Variants in CCDC181 observed in about 807,000 individuals in gnomAD.
The protein encoded by CCDC181 is coiled-coil domain-containing protein 181.
CCDC181 carries 35 observed loss-of-function variants against 58.7 expected under a neutral mutation model. The ratio of observed to expected loss-of-function variants is 0.60; its 90% CI spans 0.46 to 0.79. The LOEUF (loss-of-function observed/expected upper bound fraction) is 0.79, where lower values mean the gene tolerates loss of function less well. Ranked by LOEUF, CCDC181 falls within the 30% of genes least tolerant of loss-of-function variation. The pLI, the probability that CCDC181 is intolerant of heterozygous loss-of-function variation, is 0.00. For missense variants in CCDC181, 517 were observed against 583.9 expected, an observed-to-expected ratio of 0.89 and a Z score of 1.18; for synonymous variants, 183 against 197.5, an observed-to-expected ratio of 0.93 and a Z score of 0.62.
chr1:169,429,155 T>C (rs904884074), upstream of CCDC181, among the ~76,000 whole-genome samples: 22 of 152,184 alleles, frequency 1.4e-4, no homozygotes, highest in African/African-American at 5.3e-4. Context: ...TATGACTGAG[T>C]AGTATTCCAT....
intron 2 of CCDC181, among the ~76,000 whole-genome samples, chr1:169,453,726 C>CTT (rs35290206): frequency 6.7e-4 from 91 of 134,912 alleles, no homozygotes; most frequent in African/African-American, 2.3e-3. Context: ...ACACATAATT[C>CTT]TTTTTTTTTT....
rs1657724566 is a variant in CCDC181 at position 169,457,996 on chromosome 1, A to G, written c.-24+1801T>C. Among the ~76,000 whole-genome samples the G allele has an allele frequency of 2.0e-5, 3 of 151,996 alleles. No individual in the cohort carries two copies. The South Asian group carries it at 6.2e-4, about 32-fold the overall frequency. ...GTATTGATAGATTCTTTTGTGTCTT[A>G]GTTCTTTTGTGTCTTTCTGTTTTAT... is the stretch of plus-strand genomic sequence containing the variant. On this transcript the variant is annotated intron_variant, in intron 2 of 6. Coordinates refer to the CCDC181 transcript ENST00000545005.
At chr1:169,437,676 A>G (rs755067348) in intron 2 of CCDC181, among the ~76,000 whole-genome samples, 36 of 152,184 alleles carry the variant, frequency 2.4e-4, no homozygotes, top group Non-Finnish European at 4.4e-4. Context: ...TGTTGACCCA[A>G]GAAGAGAGGA....
chr1:169,411,519 TC>T (rs1655961190), intron 4 of CCDC181, among the ~76,000 whole-genome samples: 1 of 152,106 alleles, frequency 6.6e-6, no homozygotes, highest in Non-Finnish European at 1.5e-5. Flanking sequence ...AAAGAGGGAC[TC>T]CTACCTAACT....
intron 4 of CCDC181, among the ~76,000 whole-genome samples, chr1:169,406,410 A>G (rs1184497157): frequency 6.6e-6 from 1 of 152,264 alleles, no homozygotes; most frequent in Non-Finnish European, 1.5e-5. Context: ...ACGTCCAACA[A>G]TGATAGACTG....
At chr1:169,424,366 G>T (rs762285302) in intron 2 of CCDC181, among the ~76,000 whole-genome samples, 9 of 151,892 alleles carry the variant, frequency 5.9e-5, no homozygotes, top group Non-Finnish European at 1.2e-4. Flanking sequence ...AGCTAATTCA[G>T]TCTTAAAGTT....
chr1:169,455,990 A>AT (rs1274940398), intron 2 of CCDC181, among the ~76,000 whole-genome samples: 1 of 151,804 alleles, frequency 6.6e-6, no homozygotes, highest in Non-Finnish European at 1.5e-5. Flanking sequence ...ATCAGATTTG[A>AT]TTTTTTTTCT....
intron 4 of CCDC181, among the ~76,000 whole-genome samples, chr1:169,408,971 T>C (rs1270752648): frequency 6.6e-6 from 1 of 152,176 alleles, no homozygotes; most frequent in Non-Finnish European, 1.5e-5. Flanking sequence ...AAAACCAGAA[T>C]GCCTCTTCTC....
chr1:169,415,978 G>T (rs945572388), intron 4 of CCDC181, among the ~76,000 whole-genome samples: 1 of 152,104 alleles, frequency 6.6e-6, no homozygotes, highest in Admixed American at 6.5e-5. Flanking sequence ...TCTTCATCTG[G>T]ATATTTTGTG....
chr1:169,433,319 C>G (rs1339403557), intron 2 of CCDC181, among the ~76,000 whole-genome samples: 1 of 151,954 alleles, frequency 6.6e-6, no homozygotes, highest in Non-Finnish European at 1.5e-5. Flanking sequence ...AAATGGAAAG[C>G]TATCCCTTGT....
rs1657796626 is a variant in CCDC181 at position 169,459,912 on chromosome 1, A to AAAAAAC, written c.-91-49_-91-48insGTTTTT. On this transcript the variant is annotated intron_variant, in intron 1 of 6. Transcript: ENST00000545005. The stretch of plus-strand genomic sequence containing the variant: ...TACGCAGTTTGAAATTAGGAAAAAA[A>AAAAAAC]AAAAAAAAAAAAAAAAAGGAGGAGG... 6 of 67,218 alleles carry AAAAAAC rather than the reference A, an allele frequency of 8.9e-5. No homozygotes were observed. The South Asian group carries it at 1.7e-3, about 19-fold the overall frequency. 4.2% of individuals were successfully genotyped at this position (67,218 alleles called of 1,614,324 possible). A position where few individuals can be genotyped will look rare whatever the true frequency, so the allele number is the denominator to read the frequency against.
At chr1:169,441,705 C>T (rs1657233420) in intron 2 of CCDC181, among the ~76,000 whole-genome samples, 1 of 151,600 alleles carries the variant, frequency 6.6e-6, no homozygotes, top group African/African-American at 2.4e-5. Flanking sequence ...CTTTGATGGG[C>T]TTTATGCTTT....
chr1:169,460,021 T>G (rs1451750594), intron 1 of CCDC181, among the ~76,000 whole-genome samples: 1 of 151,994 alleles, frequency 6.6e-6, no homozygotes, highest in Non-Finnish European at 1.5e-5. Flanking sequence ...TTAAATAGTT[T>G]TTGTTAACAT....
intron 2 of CCDC181, chr1:169,459,707 G>C (rs969546176): frequency 1.3e-5 from 2 of 151,902 alleles, no homozygotes; most frequent in African/African-American, 4.8e-5. Context: ...TCTGGGATAC[G>C]GCCTTTTACT....
chr1:169,435,717 G>C lies in CCDC181; in HGVS notation c.-23-10767C>G, dbSNP rs976786924. Among the ~76,000 whole-genome samples, 4 of 152,104 alleles carry C rather than the reference G, an allele frequency of 2.6e-5. No homozygotes were observed. The South Asian group carries it at 6.2e-4, about 24-fold the overall frequency. On this transcript the variant is annotated intron_variant, in intron 2 of 6. Coordinates refer to the CCDC181 transcript ENST00000545005. ...TCCAAAAGGATGAAAGTAGGTTCTA[G>C]AGTATCTTTATTGATATTCCAAAAT...
At chr1:169,460,144 G>A (rs1308903880) in intron 1 of CCDC181, 3 of 152,078 alleles carry the variant, frequency 2.0e-5, no homozygotes, top group Non-Finnish European at 4.4e-5. Flanking sequence ...TATTTTAAAG[G>A]AAGACAATTC....
chr1:169,436,195 T>C (rs1364357934), intron 2 of CCDC181, among the ~76,000 whole-genome samples: 1 of 152,136 alleles, frequency 6.6e-6, no homozygotes, highest in African/African-American at 2.4e-5. Flanking sequence ...ACAGTTGTGT[T>C]GTTAAAAGTA....
chr1:169,406,666 T>G (rs1655673800), intron 4 of CCDC181, among the ~76,000 whole-genome samples: 1 of 151,704 alleles, frequency 6.6e-6, no homozygotes, highest in Non-Finnish European at 1.5e-5. Context: ...GAGAGAGCAT[T>G]AAGCGATATA....
intron 2 of CCDC181, among the ~76,000 whole-genome samples, chr1:169,445,813 A>G (rs1232418112): frequency 6.6e-6 from 1 of 152,116 alleles, no homozygotes; most frequent in Admixed American, 6.6e-5. Context: ...TTTTTTTAAT[A>G]GATATAGGTC....
Sources: gnomAD v4.1 joint callset for allele counts (sites outside exome capture counted in the v4.1 genomes callset) on GRCh38, gnomAD v4.1.1 for gene constraint, MANE v1.5 for transcripts, NCBI Gene and HGNC (gene_info 2026-07-23, HGNC 2026-07-21) for gene names.